HDAC9: variants seen among roughly 807,000 people sequenced by gnomAD.
The protein encoded by HDAC9 is histone deacetylase 9.
HDAC9 carries 41 observed loss-of-function variants against 139.4 expected under a neutral mutation model. The observed-to-expected ratio is 0.29, with a 90% CI of 0.23 to 0.38. HDAC9 has a LOEUF of 0.38. HDAC9 is among the 10% of genes least tolerant of loss of function. The pLI is 1.00. For missense variants in HDAC9, 1,147 were observed against 1,297.0 expected, an observed-to-expected ratio of 0.88 and a Z score of 1.78; for synonymous variants, 517 against 476.2, an observed-to-expected ratio of 1.09 and a Z score of -1.12.
intron 1 of HDAC9, among the ~76,000 whole-genome samples, chr7:18,138,630 G>A (rs1487336771): frequency 3.3e-5 from 5 of 151,410 alleles, no homozygotes; most frequent in Non-Finnish European, 7.4e-5. Context: ...AGCCCAAGAA[G>A]CAGAGTGGGG....
intron 2 of HDAC9, among the ~76,000 whole-genome samples, chr7:18,192,124 C>CG (rs932938830): frequency 3.3e-4 from 50 of 151,960 alleles, no homozygotes; most frequent in Admixed American, 9.8e-4. Flanking sequence ...GGCCGGGGGG[C>CG]GGGGGGGTGT....
At chr7:18,201,569 C>G (rs1214330854) in intron 2 of HDAC9, among the ~76,000 whole-genome samples, 2 of 152,156 alleles carry the variant, frequency 1.3e-5, no homozygotes, top group African/African-American at 4.8e-5. Context: ...ACTAGCTGAG[C>G]AGCACCTCTG....
chr7:18,499,870 G>A (rs2128150683), intron 2 of HDAC9, among the ~76,000 whole-genome samples: 1 of 152,074 alleles, frequency 6.6e-6, no homozygotes, highest in Admixed American at 6.6e-5. Context: ...TGGTGTTGAG[G>A]GGAAGGGAAC....
At chr7:18,671,549 G>A (rs1328261231) in intron 12 of HDAC9, among the ~76,000 whole-genome samples, 1 of 151,818 alleles carries the variant, frequency 6.6e-6, no homozygotes, top group Non-Finnish European at 1.5e-5. Context: ...ATTGTTCTCG[G>A]CTTCTTCTGC....
intron 1 of HDAC9, among the ~76,000 whole-genome samples, chr7:18,421,484 AAAG>A (rs1159221034): frequency 6.6e-6 from 1 of 152,092 alleles, no homozygotes. Context: ...GAAAAAATGA[AAAG>A]AAAGAAAAGG....
chr7:18,140,798 A>G (rs1216789159), intron 1 of HDAC9, among the ~76,000 whole-genome samples: 1 of 151,792 alleles, frequency 6.6e-6, no homozygotes, highest in Non-Finnish European at 1.5e-5. Context: ...TCTGTTTTTT[A>G]TTTGAAGTTC....
intron 1 of HDAC9, among the ~76,000 whole-genome samples, chr7:18,296,938 T>C (rs964719515): frequency 1.3e-5 from 2 of 152,220 alleles, no homozygotes; most frequent in African/African-American, 2.4e-5. Flanking sequence ...AGACTTTGTA[T>C]GCGGTGCCTT....
intron 1 of HDAC9, among the ~76,000 whole-genome samples, chr7:18,365,989 T>C (rs1305439945): frequency 6.6e-6 from 1 of 151,340 alleles, no homozygotes; most frequent in African/African-American, 2.4e-5. Context: ...CTATTAAAAA[T>C]TGTTTTCTGT....
chr7:18,323,652 G>T (rs1800204062), intron 1 of HDAC9, among the ~76,000 whole-genome samples: 1 of 152,136 alleles, frequency 6.6e-6, no homozygotes, highest in African/African-American at 2.4e-5. Flanking sequence ...CAATGAATAA[G>T]ACCTAGTTCC....
intron 11 of HDAC9, among the ~76,000 whole-genome samples, chr7:18,665,246 C>T (rs1794502932): frequency 6.6e-6 from 1 of 152,136 alleles, no homozygotes; most frequent in Non-Finnish European, 1.5e-5. Flanking sequence ...TACATAGGCA[C>T]TGACTTAGCA....
At chr7:18,818,056 C>T (rs1396118721) in intron 17 of HDAC9, among the ~76,000 whole-genome samples, 2 of 152,146 alleles carry the variant, frequency 1.3e-5, no homozygotes, top group Non-Finnish European at 2.9e-5. Context: ...CATAAAACAT[C>T]GCATGCGAAT....
chr7:18,492,281 C>T (rs1229187271), upstream of HDAC9, among the ~76,000 whole-genome samples: 1 of 151,802 alleles, frequency 6.6e-6, no homozygotes, highest in Admixed American at 6.6e-5. Context: ...GGGATTGTGT[C>T]TTTCAGGATT....
At chr7:18,605,403 C>T (rs1327200586) in intron 6 of HDAC9, among the ~76,000 whole-genome samples, 1 of 152,184 alleles carries the variant, frequency 6.6e-6, no homozygotes, top group African/African-American at 2.4e-5. Context: ...ATTGCCTTCT[C>T]CCTTAGGTCA....
chr7:18,476,371 C>A (rs988078606), intron 1 of HDAC9, among the ~76,000 whole-genome samples: 1 of 152,034 alleles, frequency 6.6e-6, no homozygotes, highest in Non-Finnish European at 1.5e-5. Flanking sequence ...TAATGACCAA[C>A]AAGTTGTAAG....
chr7:18,567,035 T>C (rs922945991), intron 2 of HDAC9, among the ~76,000 whole-genome samples: 1 of 152,316 alleles, frequency 6.6e-6, no homozygotes, highest in East Asian at 1.9e-4. Context: ...GAGTTTTTCT[T>C]AGGTGGTGCC....
At chr7:18,933,501 A>G (rs1781409452) in intron 22 of HDAC9, among the ~76,000 whole-genome samples, 3 of 152,044 alleles carry the variant, frequency 2.0e-5, no homozygotes, top group Admixed American at 6.6e-5. Context: ...AAAACATCAC[A>G]TTGGAGGTTA....
intron 22 of HDAC9, among the ~76,000 whole-genome samples, chr7:18,919,176 A>G (rs1452101743): frequency 6.6e-6 from 1 of 152,090 alleles, no homozygotes; most frequent in Non-Finnish European, 1.5e-5. Flanking sequence ...GCGCTTATGT[A>G]TCATTTTGCA....
chr7:18,848,018 C>G (rs944684896), intron 21 of HDAC9, among the ~76,000 whole-genome samples: 1 of 152,104 alleles, frequency 6.6e-6, no homozygotes, highest in Non-Finnish European at 1.5e-5. Flanking sequence ...CAATTTCATC[C>G]ATGATCCTGC....
At chr7:18,950,481 C>G (rs1435863497) in intron 23 of HDAC9, among the ~76,000 whole-genome samples, 3 of 151,972 alleles carry the variant, frequency 2.0e-5, no homozygotes, top group Admixed American at 1.3e-4. Context: ...GTCTTGTTAG[C>G]TATGGTGAGC....
Sources: gnomAD v4.1 joint callset for allele counts (sites outside exome capture counted in the v4.1 genomes callset) on GRCh38, gnomAD v4.1.1 for gene constraint, MANE v1.5 for transcripts, NCBI Gene and HGNC (gene_info 2026-07-23, HGNC 2026-07-21) for gene names.